The following BSCL2 variants were observed in gnomAD, a reference collection of about 807,000 sequenced individuals.
BSCL2 encodes the protein seipin.
BSCL2 carries 41 observed loss-of-function variants against 57.4 expected under a neutral mutation model. That is an observed-to-expected ratio of 0.71 (90% CI 0.56 to 0.93). The LOEUF (loss-of-function observed/expected upper bound fraction) is 0.93. BSCL2 is among the 40% of genes least tolerant of loss of function. The pLI is 0.00. For synonymous variants in BSCL2, 237 were observed against 227.3 expected (o/e 1.04, Z -0.38); for missense variants, 539 against 586.7 (o/e 0.92, Z 0.84).
chr11:62,700,827 C>T (rs901527488), intron 3 of BSCL2, among the ~76,000 whole-genome samples: 5 of 151,760 alleles, frequency 3.3e-5, no homozygotes, highest in African/African-American at 1.2e-4. Context: ...GTGGTGGGCA[C>T]CTGTAATCCC....
At chr11:62,696,443 T>C (rs1191001010) in intron 3 of BSCL2, among the ~76,000 whole-genome samples, 3 of 150,566 alleles carry the variant, frequency 2.0e-5, no homozygotes, top group Admixed American at 1.4e-4. Context: ...ATACGGACTA[T>C]AGGCACATGC....
In BSCL2 at chr11:62,691,311, C is replaced by T; in HGVS notation, c.974G>A (p.Gly325Asp). The T allele has an allele frequency of 3.7e-6, 6 of 1,613,974 alleles. No individual in the cohort carries two copies. Among genetic ancestry groups the T allele is most frequent in the South Asian group, 1.1e-5 (1 of 91,076 alleles). The part of the protein sequence containing the change: ...LFSYMQWVWG[G>D]IWPRHRFSLQ... The stretch of plus-strand genomic sequence containing the variant: ...AGAGAAGCGGTGTCGGGGCCAGATG[C>T]CCCCCCACACCCACTGCATGTAGCT... Residue 325 changes from glycine (G) to aspartate (D), a missense_variant, in exon 7 of 11, where the codon GGC (glycine) becomes GAC (aspartate). Transcript: ENST00000360796.
chr11:62,707,666 T>G, upstream of BSCL2: 1 of 428,800 alleles, frequency 2.3e-6, no homozygotes, highest in Non-Finnish European at 4.4e-6. Flanking sequence ...CTCCAGGATC[T>G]GAGCAGCTCC....
chr11:62,706,302 G>A lies in BSCL2; in HGVS notation c.88-685C>T, dbSNP rs1206415840. ...GGGCAACCGTGAGACGGGACTTCCG[G>A]CTCCCGGGGAAGTCCCGCCCCTCTC... On this transcript the variant is annotated intron_variant, in intron 1 of 10. Transcript: ENST00000360796. 9 of 1,115,962 alleles carry A rather than the reference G, an allele frequency of 8.1e-6. No individual in the cohort carries two copies. In the African/African-American group the frequency reaches 1.2e-4, roughly 15 times the overall value. 69.1% of individuals were successfully genotyped at this position (1,115,962 alleles called of 1,614,324 possible). A position where few individuals can be genotyped will look rare whatever the true frequency, so the allele number is the denominator to read the frequency against.
At chr11:62,703,263 T>C (rs1179826167) in intron 2 of BSCL2, among the ~76,000 whole-genome samples, 1 of 151,710 alleles carries the variant, frequency 6.6e-6, no homozygotes, top group East Asian at 1.9e-4. Context: ...CAGATGGTTA[T>C]TAAGAAGCTC....
chr11:62,691,296 T>C lies in BSCL2; in HGVS notation c.989A>G (p.His330Arg), dbSNP rs1315591596. 1 of 1,613,914 alleles carries C rather than the reference T, an allele frequency of 6.2e-7. No individual in the cohort carries two copies. Among genetic ancestry groups the C allele is most frequent in the East Asian group, 2.2e-5 (1 of 44,872 alleles). Reference protein sequence around the residue: ...QWVWGGIWPRHRFSLQVNIRK... With the variant: ...QWVWGGIWPRRRFSLQVNIRK... ...CCTTTCGACCTGCAAAGAGAAGCGG[T>C]GTCGGGGCCAGATGCCCCCCCACAC... The change falls in exon 7 of 11, where the codon CAC becomes CGC. Residue 330 changes from histidine (H) to arginine (R), a missense_variant. Transcript: ENST00000360796.
Position 62,707,121 on chromosome 11 carries a change from C to T in BSCL2, c.75G>A (p.Pro25=), listed in dbSNP as rs546863111. The part of the protein sequence containing the change: ...KEVCGDQIKG[P]DKEEEPPAAA... The stretch of plus-strand genomic sequence containing the variant: ...CAAGGGCCCCTACCTCCTCTTTGTC[C>T]GGTCCTTTGATCTGGTCTCCGCACA... The change falls in exon 1 of 11, where the codon CCG becomes CCA. Residue 25 remains proline (P), a synonymous_variant. Transcript: ENST00000360796. 8 of 1,553,956 alleles carry T rather than the reference C, an allele frequency of 5.1e-6. No homozygotes were observed. The highest frequency in any genetic ancestry group is 3.6e-5 in the South Asian group (3 of 84,228).
Position 62,691,077 on chromosome 11 carries a change from G to A in BSCL2, c.1070C>T (p.Pro357Leu). 1 of 1,614,188 alleles carries A rather than the reference G, an allele frequency of 6.2e-7. No individual in the cohort carries two copies. The highest frequency in any genetic ancestry group is 8.5e-7 in the Non-Finnish European group (1 of 1,180,030). ...AGCTCCCCAGCCAACACCTTTACCT[G>A]GCTGATGAGCAGAGATCCTTCGTTG... ...EVQRRISAHQ[P>L]GPEGQEESTP... The change falls in exon 8 of 11, where the codon CCA becomes CTA. Residue 357 changes from proline (P) to leucine (L), a missense_variant and splice_region_variant. By Grantham distance (98) the Pro-to-Leu change is moderately conservative. Around this residue, in one of 3 missense-constraint regions of BSCL2, gnomAD observed 248 missense variants for 239.9 expected, o/e 1.03. Transcript: ENST00000360796.
intron 5 of BSCL2, 36 bp from the exon 6 acceptor site, chr11:62,692,509 G>A (rs896821643): frequency 3.1e-6 from 5 of 1,609,714 alleles, no homozygotes; most frequent in South Asian, 1.1e-5. Flanking sequence ...CGTCAGGCCA[G>A]GGTCCTGCCG....
chr11:62,696,653 G>A (rs1477872322), intron 3 of BSCL2, among the ~76,000 whole-genome samples: 1 of 151,896 alleles, frequency 6.6e-6, no homozygotes, highest in African/African-American at 2.4e-5. Flanking sequence ...AACCTCCTGG[G>A]CTCAGTTGAT....
At chr11:62,691,463 A>G in intron 6 of BSCL2, 42 bp from the exon 7 acceptor site, 7 of 1,603,944 alleles carry the variant, frequency 4.4e-6, no homozygotes, top group Non-Finnish European at 6.0e-6. Context: ...AGCAGTTACC[A>G]GAGAGCACCA....
chr11:62,691,508 A>G (rs1250485511), intron 6 of BSCL2, 87 bp from the exon 7 acceptor site: 3 of 1,518,424 alleles, frequency 2.0e-6, no homozygotes, highest in Admixed American at 1.7e-5. Context: ...TTCTAGGGCA[A>G]TTCAAGTGAG....
At position 62,703,841 on chromosome 11, in the gene BSCL2, C is replaced by T. The variant is rs139157781; in HGVS notation, c.405-1292G>A. On this transcript the variant is annotated intron_variant, in intron 2 of 10. Transcript: ENST00000360796. ...CACTGTTAAGAAAAGAGAACTAGGC[C>T]GGGCGCAGTGGCTCATGCTTGTAAT... Among the ~76,000 whole-genome samples, 524 of 151,332 alleles carry T rather than the reference C, an allele frequency of 3.5e-3. 5 individuals carry two copies. Among genetic ancestry groups the T allele is most frequent in the African/African-American group, 0.012 (492 of 41,264 alleles).
Position 62,690,390 on chromosome 11 carries a change from G to A in BSCL2, c.1366C>T (p.Arg456Cys). The A allele has an allele frequency of 1.2e-6, 2 of 1,614,054 alleles. No individual in the cohort carries two copies. The highest frequency in any genetic ancestry group is 1.7e-6 in the Non-Finnish European group (2 of 1,180,028). Reference sequence around the variant, plus strand: ...CTTCAGGAACTAGAGCAGGTGGGGCGCTGTCGGAGAGCACCCCCAGCAGGT... The same window carrying A: ...CTTCAGGAACTAGAGCAGGTGGGGCACTGTCGGAGAGCACCCCCAGCAGGT... ...SEPAGGALRQ[R>C]PTCSSS Residue 456 changes from arginine (R) to cysteine (C), a missense_variant, in exon 11 of 11, where the codon CGC becomes TGC. Arg to Cys is a radical substitution (Grantham distance 180). Transcript: ENST00000360796.
chr11:62,690,738 G>A (rs372844289), intron 9 of BSCL2, 46 bp from the exon 10 acceptor site: 2 of 1,613,750 alleles, frequency 1.2e-6, no homozygotes, highest in Non-Finnish European at 8.5e-7. Flanking sequence ...GACACTGAAG[G>A]AGAAAGCCAA....
chr11:62,697,320 G>A (rs140522004), intron 3 of BSCL2, among the ~76,000 whole-genome samples: 5,366 of 149,900 alleles, frequency 0.036, 321 homozygotes, highest in African/African-American at 0.12. Context: ...GCGTGAACCC[G>A]GGAGGCGGAG....
At chr11:62,708,969 C>G (rs1412959322), upstream of BSCL2, 20 of 658,664 alleles carry the variant, frequency 3.0e-5, no homozygotes, top group Admixed American at 4.7e-4. Context: ...ACCTATCTGT[C>G]GACCCCATTT....
At chr11:62,695,596 A>G (rs1451171556) in intron 3 of BSCL2, among the ~76,000 whole-genome samples, 2 of 151,448 alleles carry the variant, frequency 1.3e-5, no homozygotes, top group South Asian at 2.1e-4. Flanking sequence ...CTGTAATCTC[A>G]GCCACTCAGG....
At chr11:62,705,019 G>C (rs531891034) in intron 2 of BSCL2, among the ~76,000 whole-genome samples, 10 of 151,966 alleles carry the variant, frequency 6.6e-5, no homozygotes, top group Non-Finnish European at 2.9e-5. Flanking sequence ...CCTGAGAGAG[G>C]GGTGATCCAA....
Sources: gnomAD v4.1 joint callset for allele counts (sites outside exome capture counted in the v4.1 genomes callset) on GRCh38, gnomAD v4.1.1 for gene constraint, gnomAD v4.1.1 regional missense constraint, MANE v1.5 for transcripts, NCBI Gene and HGNC (gene_info 2026-07-23, HGNC 2026-07-21) for gene names.